The following SLC8A1 variants were observed in gnomAD, a reference collection of about 807,000 sequenced individuals.
SLC8A1 encodes solute carrier family 8 member A1.
A neutral mutation model predicts 68.3 loss-of-function variants in SLC8A1; 18 were observed. The ratio of observed to expected loss-of-function variants is 0.26; its 90% confidence interval spans 0.18 to 0.39. SLC8A1 has a LOEUF of 0.39. Among genes scored for constraint, SLC8A1 ranks in the 10% least tolerant of loss-of-function variants. The pLI, the probability that SLC8A1 is intolerant of heterozygous loss-of-function variation, is 1.00. For missense variants in SLC8A1, 985 were observed against 1,156.7 expected, an observed-to-expected ratio of 0.85 and a Z score of 2.15; for synonymous variants, 475 against 415.5, an observed-to-expected ratio of 1.14 and a Z score of -1.74.
chr2:40,404,980 G>A (rs1181743174), intron 2 of SLC8A1, among the ~76,000 whole-genome samples: 1 of 152,124 alleles, frequency 6.6e-6, no homozygotes, highest in Non-Finnish European at 1.5e-5. Flanking sequence ...GTATCCAGAA[G>A]TGGATTTATA....
At chr2:40,149,415 A>C (rs1021624266) in intron 6 of SLC8A1, among the ~76,000 whole-genome samples, 1 of 152,250 alleles carries the variant, frequency 6.6e-6, no homozygotes, top group African/African-American at 2.4e-5. Context: ...TGAGTTATGA[A>C]TATAATGAAG....
intron 2 of SLC8A1, among the ~76,000 whole-genome samples, chr2:40,314,970 G>A (rs1252595868): frequency 6.6e-6 from 1 of 151,860 alleles, no homozygotes; most frequent in Non-Finnish European, 1.5e-5. Context: ...TTTCCAATCT[G>A]GATGTAATTT....
At chr2:40,365,605 A>G (rs1314287222) in intron 2 of SLC8A1, among the ~76,000 whole-genome samples, 4 of 152,126 alleles carry the variant, frequency 2.6e-5, no homozygotes, top group South Asian at 2.1e-4. Flanking sequence ...CTTCTTGTGC[A>G]GAAGTCATGG....
At chr2:40,211,661 G>A (rs1242386895) in intron 2 of SLC8A1, among the ~76,000 whole-genome samples, 1 of 152,118 alleles carries the variant, frequency 6.6e-6, no homozygotes, top group Non-Finnish European at 1.5e-5. Flanking sequence ...GGATCCTGAA[G>A]GTATTTCAAA....
At chr2:40,207,411 T>TATCTA (rs1245465454) in intron 2 of SLC8A1, among the ~76,000 whole-genome samples, 1 of 152,092 alleles carries the variant, frequency 6.6e-6, no homozygotes, top group Non-Finnish European at 1.5e-5. Context: ...TGGATGGTCT[T>TATCTA]ATCTATAACT....
chr2:40,401,527 T>G (rs1455541419), intron 2 of SLC8A1, among the ~76,000 whole-genome samples: 5 of 144,174 alleles, frequency 3.5e-5, no homozygotes, highest in Admixed American at 2.2e-4. Flanking sequence ...GTAAAGCTCC[T>G]TGCATAGTAA....
chr2:40,139,026 C>G (rs1301128071), intron 7 of SLC8A1, among the ~76,000 whole-genome samples: 1 of 152,036 alleles, frequency 6.6e-6, no homozygotes, highest in African/African-American at 2.4e-5. Flanking sequence ...TAAAATGTAC[C>G]AAGTATATAA....
intron 2 of SLC8A1, among the ~76,000 whole-genome samples, chr2:40,362,830 C>G (rs759352360): frequency 6.6e-6 from 1 of 152,174 alleles, no homozygotes; most frequent in South Asian, 2.1e-4. Flanking sequence ...ATTCTGTGTT[C>G]TCATAATTAT....
chr2:40,139,810 G>C (rs2041221274), intron 6 of SLC8A1, 134 bp from the exon 10 acceptor site: 11 of 870,636 alleles, frequency 1.3e-5, no homozygotes, highest in Non-Finnish European at 1.8e-5. Flanking sequence ...GTGAAGTTTA[G>C]GGTTTTCCAA....
intron 2 of SLC8A1, among the ~76,000 whole-genome samples, chr2:40,200,836 T>C (rs2054229586): frequency 6.6e-6 from 1 of 151,932 alleles, no homozygotes; most frequent in South Asian, 2.1e-4. Flanking sequence ...TTCATTTTTA[T>C]ATAGTCGGTT....
chr2:40,350,587 CAAAAAAAAAAAAAAAAAAA>C (rs572258156), intron 2 of SLC8A1, among the ~76,000 whole-genome samples: 5 of 76,224 alleles, frequency 6.6e-5, no homozygotes, highest in South Asian at 4.5e-4. Context: ...CCCAGACAAG[CAAAAAAAAAAAAAAAAAAA>C]AAAAAAAAAA....
At chr2:40,475,925 G>T (rs1298921452) in intron 1 of SLC8A1, among the ~76,000 whole-genome samples, 1 of 151,902 alleles carries the variant, frequency 6.6e-6, no homozygotes, top group Non-Finnish European at 1.5e-5. Context: ...CATAGAAAAG[G>T]ATTTTGGGAG....
chr2:40,240,213 T>A (rs1188774594), intron 2 of SLC8A1, among the ~76,000 whole-genome samples: 1 of 152,120 alleles, frequency 6.6e-6, no homozygotes, highest in Non-Finnish European at 1.5e-5. Context: ...ATACAGAGAG[T>A]ACTTATTATG....
intron 2 of SLC8A1, among the ~76,000 whole-genome samples, chr2:40,383,919 C>G (rs1470806947): frequency 6.6e-6 from 1 of 152,070 alleles, no homozygotes; most frequent in South Asian, 2.1e-4. Context: ...ATTCACAGAT[C>G]TGGTAACAGG....
chr2:40,367,626 C>T (rs1418102372), intron 2 of SLC8A1, among the ~76,000 whole-genome samples: 2 of 151,938 alleles, frequency 1.3e-5, no homozygotes, highest in Non-Finnish European at 2.9e-5. Flanking sequence ...TGCTGCTCCG[C>T]CATAATTGTT....
At chr2:40,414,795 AT>A (rs1026946032) in intron 2 of SLC8A1, among the ~76,000 whole-genome samples, 2 of 152,178 alleles carry the variant, frequency 1.3e-5, no homozygotes, top group Non-Finnish European at 2.9e-5. Context: ...TTTGAATTAA[AT>A]TGGTTTATGC....
chr2:40,137,110 C>T (rs532069609), intron 7 of SLC8A1, among the ~76,000 whole-genome samples: 21 of 152,276 alleles, frequency 1.4e-4, no homozygotes, highest in African/African-American at 5.1e-4. Context: ...CTCCTCTAAA[C>T]ATGAAGGTTT....
At chr2:40,418,940 T>G (rs899874038) in intron 2 of SLC8A1, among the ~76,000 whole-genome samples, 2 of 152,178 alleles carry the variant, frequency 1.3e-5, no homozygotes, top group Non-Finnish European at 2.9e-5. Context: ...TCATTTATTC[T>G]CAGCCTAAAC....
intron 1 of SLC8A1, among the ~76,000 whole-genome samples, chr2:40,495,357 T>C (rs559674867): frequency 7.2e-5 from 11 of 152,162 alleles, no homozygotes; most frequent in Non-Finnish European, 1.5e-4. Context: ...AAAAGTGTTT[T>C]ATGAGGAAAG....
Sources: gnomAD v4.1 joint callset for allele counts (sites outside exome capture counted in the v4.1 genomes callset) on GRCh38, gnomAD v4.1.1 for gene constraint, MANE v1.5 for transcripts, NCBI Gene and HGNC (gene_info 2026-07-23, HGNC 2026-07-21) for gene names.